Variants in UBR2 observed in about 807,000 individuals in gnomAD.
The protein encoded by UBR2 is E3 ubiquitin-protein ligase UBR2.
Under a neutral mutation model 247.9 loss-of-function variants are expected in UBR2, and 92 were observed. The observed-to-expected ratio is 0.37, with a 90% CI of 0.31 to 0.44. The LOEUF (loss-of-function observed/expected upper bound fraction) is 0.44. UBR2 is among the 20% of genes least tolerant of loss of function. The probability of loss-of-function intolerance (pLI) is 1.00; values close to 1 mark genes in which losing one functional copy is unlikely to be tolerated. For synonymous variants in UBR2, 672 were observed against 693.5 expected (o/e 0.97, Z 0.49); for missense variants, 1,613 against 2,112.6 (o/e 0.76, Z 4.64).
chr6:42,600,542 G>A (rs1039761510), intron 4 of UBR2, among the ~76,000 whole-genome samples: 1 of 145,418 alleles, frequency 6.9e-6, no homozygotes, highest in Admixed American at 7.1e-5. Context: ...TATGATGAGT[G>A]ACACATTTCT....
intron 22 of UBR2, among the ~76,000 whole-genome samples, chr6:42,648,576 T>C (rs1796921323): frequency 6.6e-6 from 1 of 152,218 alleles, no homozygotes; most frequent in Non-Finnish European, 1.5e-5. Context: ...CCCCAGTCAA[T>C]AAACTGGTTT....
chr6:42,566,699 C>T (rs903884989), intron 1 of UBR2, among the ~76,000 whole-genome samples: 1 of 151,286 alleles, frequency 6.6e-6, no homozygotes, highest in Non-Finnish European at 1.5e-5. Context: ...ACCCTGTTTA[C>T]TTTTAAATGC....
chr6:42,601,527 A>T (rs1208334046), intron 4 of UBR2, among the ~76,000 whole-genome samples: 1 of 152,052 alleles, frequency 6.6e-6, no homozygotes, highest in Non-Finnish European at 1.5e-5. Flanking sequence ...TGTCTCTACT[A>T]AAAATACAAA....
At position 42,573,904 on chromosome 6, in the gene UBR2, A is replaced by G. The variant is rs533795972; in HGVS notation, c.249A>G (p.Ala83=). ...GGTACCTTTGTGGTGAAGATCCTGC[A>G]TTTGGATTTCCAAAACTTGAGCAAG... ...MEWYLCGEDP[A]FGFPKLEQAN... is the part of the protein sequence containing the mutation. Residue 83 remains alanine (A), a synonymous_variant, in exon 2 of 47, where the codon GCA becomes GCG. Coordinates refer to ENST00000372901, the MANE Select transcript of UBR2 (RefSeq NM_001363705.2). The G allele has an allele frequency of 1.2e-6, 2 of 1,614,006 alleles. No individual in the cohort carries two copies. The highest frequency in any genetic ancestry group is 8.5e-7 in the Non-Finnish European group (1 of 1,179,990).
intron 8 of UBR2, among the ~76,000 whole-genome samples, chr6:42,614,457 G>C (rs192350239): frequency 9.8e-4 from 27 of 27,500 alleles, no homozygotes; most frequent in Admixed American, 1.8e-3. Context: ...TATATGTATG[G>C]AACAAATAAG....
At chr6:42,592,036 C>A in intron 2 of UBR2, 115 bp from the exon 3 acceptor site, 1 of 1,006,470 alleles carries the variant, frequency 9.9e-7, no homozygotes, top group South Asian at 1.6e-5. Context: ...TTTTTTAAAA[C>A]ACCAAAAAAC....
rs75675969 is a variant in UBR2 at position 42,632,733 on chromosome 6, T to C, written c.1445+18T>C. The C allele has an allele frequency of 5.0e-4, 803 of 1,590,224 alleles. 5 individuals carry two copies. In the East Asian group the frequency reaches 0.016, roughly 31 times the overall value. On this transcript the variant is annotated intron_variant, in intron 12 of 46. Transcript: ENST00000372901. ...GATCTCAAGTAAGTTTTCATTTAATTATTAAACCAGTTGCAATTTATAGAA... is the reference window on the plus strand; with the variant it reads ...GATCTCAAGTAAGTTTTCATTTAATCATTAAACCAGTTGCAATTTATAGAA...
At chr6:42,574,098 T>C in intron 2 of UBR2, 105 bp downstream of exon 2, 1 of 1,141,518 alleles carries the variant, frequency 8.8e-7, no homozygotes, top group Non-Finnish European at 1.2e-6. Context: ...ATACCATATC[T>C]GCTTAAAAAT....
intron 7 of UBR2, among the ~76,000 whole-genome samples, chr6:42,611,152 T>TAAA (rs77005793): frequency 1.5e-4 from 19 of 128,894 alleles, no homozygotes; most frequent in African/African-American, 4.7e-4. Flanking sequence ...AGCCATGATT[T>TAAA]AAAAAAAAAA....
intron 11 of UBR2, among the ~76,000 whole-genome samples, chr6:42,618,038 G>T (rs1019891248): frequency 6.6e-6 from 1 of 152,128 alleles, no homozygotes; most frequent in African/African-American, 2.4e-5. Flanking sequence ...AATTTGTTCA[G>T]CAAATTTAAG....
chr6:42,607,025 T>A (rs1793744339), intron 7 of UBR2, among the ~76,000 whole-genome samples: 2 of 152,166 alleles, frequency 1.3e-5, no homozygotes, highest in Non-Finnish European at 2.9e-5. Flanking sequence ...GCAAAATATA[T>A]TCCATATCCT....
intron 3 of UBR2, among the ~76,000 whole-genome samples, chr6:42,592,815 T>C (rs1295147478): frequency 1.3e-5 from 2 of 152,224 alleles, no homozygotes; most frequent in African/African-American, 4.8e-5. Context: ...GGAGCCCATC[T>C]GGGTCAGAAC....
chr6:42,672,414 G>A (rs1194060654), intron 36 of UBR2, among the ~76,000 whole-genome samples: 1 of 151,856 alleles, frequency 6.6e-6, no homozygotes, highest in African/African-American at 2.4e-5. Context: ...TCTTCTACTT[G>A]TTTGGTTCAG....
Position 42,564,247 on chromosome 6 carries a change from C to A in UBR2, c.-73C>A, listed in dbSNP as rs1055809940. ...GATTGCCTGGGGCAGGGGTGGCAGT[C>A]GAGGCCGCCGGGGCCGAGGTGAGGC... On this transcript the variant is annotated 5_prime_UTR_variant, in exon 1 of 47. Transcript: ENST00000372901. 2.6e-6 allele frequency: 4 copies of A among 1,548,190 alleles called. No homozygotes were observed. Among genetic ancestry groups the A allele is most frequent in the Non-Finnish European group, 3.5e-6 (4 of 1,143,222 alleles).
In UBR2 at chr6:42,657,834, TG is replaced by T. The variant is rs573750264; in HGVS notation, c.2873-188del. Reference sequence around the variant, plus strand: ...TGAATCCTTAAAGAATTCTAGTTGTTGGCAACTTGTTTGTAAAAGACAAATA... The same window carrying T: ...TGAATCCTTAAAGAATTCTAGTTGTTGCAACTTGTTTGTAAAAGACAAATA... On this transcript the variant is annotated intron_variant, in intron 26 of 46. Transcript: ENST00000372901. 3.2e-4 allele frequency among the ~76,000 whole-genome samples: 49 copies of T among 152,358 alleles called. No homozygotes were observed. The South Asian group carries it at 9.3e-3, about 29-fold the overall frequency.
chr6:42,611,088 C>T (rs1296557401), intron 7 of UBR2, among the ~76,000 whole-genome samples: 7 of 150,036 alleles, frequency 4.7e-5, no homozygotes, highest in South Asian at 2.1e-4. Flanking sequence ...TCAGGTGATC[C>T]GCCTGCCTCA....
At chr6:42,688,153 TTCA>T (rs778690844) in intron 44 of UBR2, 60 bp from the exon 45 acceptor site, 1 of 1,607,518 alleles carries the variant, frequency 6.2e-7, no homozygotes, top group Non-Finnish European at 8.5e-7. Context: ...GGCTGGTTTT[TTCA>T]TCACTAGCTC....
chr6:42,647,512 C>A (rs1014207006), intron 21 of UBR2, among the ~76,000 whole-genome samples: 1 of 150,774 alleles, frequency 6.6e-6, no homozygotes, highest in African/African-American at 2.4e-5. Context: ...AGGAGAATTG[C>A]TTGGACCTGG....
In UBR2 at chr6:42,598,866, A is replaced by G. The variant is rs540314227; in HGVS notation, c.531+4562A>G. 2.0e-5 allele frequency among the ~76,000 whole-genome samples: 3 copies of G among 152,132 alleles called. No homozygotes were observed. In the South Asian group the frequency reaches 6.2e-4, roughly 32 times the overall value. Reference sequence around the variant, plus strand: ...ATAGATGTTACCTTGACTATGGTTTATTTTCCTATCTTTATTTTCATTTAC... The same window carrying G: ...ATAGATGTTACCTTGACTATGGTTTGTTTTCCTATCTTTATTTTCATTTAC... On this transcript the variant is annotated intron_variant, in intron 4 of 46. Coordinates refer to ENST00000372901, the MANE Select transcript of UBR2 (RefSeq NM_001363705.2).
Sources: allele counts gnomAD v4.1 joint callset (sites outside exome capture counted in the v4.1 genomes callset), GRCh38; gene constraint gnomAD v4.1.1; transcripts MANE v1.5; gene names NCBI Gene and HGNC (gene_info 2026-07-23, HGNC 2026-07-21).